The following EPS8 variants were observed in gnomAD, a reference collection of about 807,000 sequenced individuals.
EPS8 encodes the protein epidermal growth factor receptor kinase substrate 8.
Under a neutral mutation model 103.8 loss-of-function variants are expected in EPS8, and 42 were observed. That is an observed-to-expected ratio of 0.40 (90% CI 0.32 to 0.52). EPS8 has a LOEUF of 0.52. Ranked by LOEUF, EPS8 falls within the 20% of genes least tolerant of loss-of-function variation. The pLI, the probability that EPS8 is intolerant of heterozygous loss-of-function variation, is 0.40. For synonymous variants in EPS8, 344 were observed against 344.6 expected, an observed-to-expected ratio of 1.00 and a Z score of 0.02; for missense variants, 969 against 1,005.1, an observed-to-expected ratio of 0.96 and a Z score of 0.49.
At chr12:15,758,722 T>C (rs1282611355) in intron 1 of EPS8, among the ~76,000 whole-genome samples, 2 of 152,366 alleles carry the variant, frequency 1.3e-5, no homozygotes, top group East Asian at 3.9e-4. Flanking sequence ...AAATAGACTG[T>C]ATAGCTGATA....
chr12:15,729,177 C>T (rs1946686066), intron 1 of EPS8, among the ~76,000 whole-genome samples: 1 of 152,100 alleles, frequency 6.6e-6, no homozygotes, highest in Non-Finnish European at 1.5e-5. Context: ...AAAATCTTCC[C>T]ATTGTCTTTG....
intron 1 of EPS8, among the ~76,000 whole-genome samples, chr12:15,708,931 A>G (rs1427416108): frequency 6.6e-6 from 1 of 152,190 alleles, no homozygotes; most frequent in Non-Finnish European, 1.5e-5. Flanking sequence ...ATGATTTAAA[A>G]CATTTCTTAG....
At chr12:15,754,825 G>C (rs1249418333) in intron 1 of EPS8, among the ~76,000 whole-genome samples, 3 of 152,194 alleles carry the variant, frequency 2.0e-5, no homozygotes, top group African/African-American at 7.2e-5. Flanking sequence ...ACAGGAATGT[G>C]GACTGGCTGA....
intron 1 of EPS8, among the ~76,000 whole-genome samples, chr12:15,686,536 A>C (rs1946098265): frequency 6.6e-6 from 1 of 152,182 alleles, no homozygotes; most frequent in Non-Finnish European, 1.5e-5. Context: ...TGGCAATTAG[A>C]AGGATACAAA....
chr12:15,655,758 C>T (rs558694924), intron 12 of EPS8, among the ~76,000 whole-genome samples: 11 of 152,290 alleles, frequency 7.2e-5, no homozygotes, highest in Non-Finnish European at 1.5e-4. Flanking sequence ...CTCTCAAGAA[C>T]GTGCGCAGGC....
chr12:15,660,764 A>T, intron 9 of EPS8, 24 bp from the exon 10 acceptor site: 4 of 1,393,450 alleles, frequency 2.9e-6, no homozygotes, highest in Non-Finnish European at 4.0e-6. Context: ...TTATAGAATA[A>T]AATATAAAAC....
intron 1 of EPS8, among the ~76,000 whole-genome samples, chr12:15,722,724 G>C (rs998799313): frequency 1.3e-5 from 2 of 152,172 alleles, no homozygotes; most frequent in Non-Finnish European, 2.9e-5. Flanking sequence ...CTTGCTCTCT[G>C]CTTCAAAGAT....
chr12:15,666,703 A>G (rs1488899694), intron 6 of EPS8, among the ~76,000 whole-genome samples, 181 bp from the exon 7 acceptor site: 1 of 152,238 alleles, frequency 6.6e-6, no homozygotes, highest in Non-Finnish European at 1.5e-5. Context: ...GAACTATATA[A>G]TGATAAGATT....
chr12:15,729,301 A>T (rs888813317), intron 1 of EPS8, among the ~76,000 whole-genome samples: 4 of 152,124 alleles, frequency 2.6e-5, no homozygotes, highest in African/African-American at 9.7e-5. Context: ...GATGTCTGTC[A>T]TTAATTTTGG....
intron 2 of EPS8, among the ~76,000 whole-genome samples, chr12:15,681,728 CAAAAAAAAAA>C (rs71042267): frequency 5.1e-5 from 2 of 39,226 alleles, no homozygotes; most frequent in African/African-American, 9.5e-5. Context: ...GACTCTGTCT[CAAAAAAAAAA>C]AAAAAAAAAA....
In EPS8 at chr12:15,621,362, A is replaced by G; in HGVS notation, c.2424T>C (p.Ala808=). The G allele has an allele frequency of 1.9e-6, 3 of 1,601,408 alleles. No homozygotes were observed. Among genetic ancestry groups the G allele is most frequent in the Non-Finnish European group, 2.6e-6 (3 of 1,175,274 alleles). ...RRRQEKISAA[A]SDSGVESFDE... The stretch of plus-strand genomic sequence containing the variant: ...CAAAAGATTCCACTCCTGAATCACT[A>G]GCGGCAGCACTGATTTTTTCCTGTC... Residue 808 remains alanine, a synonymous_variant, in exon 21 of 21, where the codon GCT becomes GCC. Coordinates refer to ENST00000281172, the MANE Select transcript of EPS8 (RefSeq NM_004447.6).
chr12:15,621,333 T>C lies in EPS8; in HGVS notation c.2453A>G (p.Glu818Gly). The change falls in exon 21 of 21, where the codon GAA (glutamate) becomes GGA (glycine). Residue 818 changes from glutamate to glycine, a missense_variant. By Grantham distance (98) the Glu-to-Gly change is moderately conservative. Transcript: ENST00000281172. ...ASDSGVESFD[E>G]GSSH ...ACAAACAAATTAGTGACTGCTTCCT[T>C]CATCAAAAGATTCCACTCCTGAATC... 1 of 1,576,814 alleles carries C rather than the reference T, an allele frequency of 6.3e-7. No individual in the cohort carries two copies. The highest frequency in any genetic ancestry group is 1.2e-5 in the South Asian group (1 of 85,258).
chr12:15,670,732 A>C (rs1006789182), intron 4 of EPS8, 124 bp downstream of exon 4: 2 of 601,982 alleles, frequency 3.3e-6, no homozygotes, highest in Non-Finnish European at 5.7e-6. Flanking sequence ...AAATCTAAAC[A>C]AAAAGGTCAA....
rs998796847 is a variant in EPS8 at position 15,759,021 on chromosome 12, T to A, written c.-22+30140A>T. Among the ~76,000 whole-genome samples the A allele has an allele frequency of 6.6e-6, 1 of 151,892 alleles. No homozygotes were observed. The highest frequency in any genetic ancestry group is 1.9e-4 in the East Asian group (1 of 5,196). On this transcript the variant is annotated intron_variant, in intron 1 of 20. Transcript: ENST00000281172. The surrounding 1 kb of genome is among the most constrained non-coding windows in gnomAD (Gnocchi z 4.9). ...CTGGATTCTGGATTCTTCTACAGATTTTTTTTTAAAATTTTTTAATTAAAA... is the reference window on the plus strand; with the variant it reads ...CTGGATTCTGGATTCTTCTACAGATATTTTTTTAAAATTTTTTAATTAAAA...
At chr12:15,628,060 T>C (rs60853344) in intron 18 of EPS8, among the ~76,000 whole-genome samples, 2,296 of 150,492 alleles carry the variant, frequency 0.015, 56 homozygotes, top group African/African-American at 0.053. Context: ...TAGGAAATCT[T>C]TTGAAGTAAT....
Position 15,738,701 on chromosome 12 carries a change from C to T in EPS8, c.-22+50460G>A, listed in dbSNP as rs1296223837. Among the ~76,000 whole-genome samples, 7 of 151,868 alleles carry T rather than the reference C, an allele frequency of 4.6e-5. No individual in the cohort carries two copies. The highest frequency in any genetic ancestry group is 3.9e-4 in the Admixed American group (6 of 15,264). On this transcript the variant is annotated intron_variant, in intron 1 of 20. Transcript: ENST00000281172. The surrounding 1 kb of genome is among the most constrained non-coding windows in gnomAD (Gnocchi z 6.2). Reference sequence around the variant, plus strand: ...CAGTCATTTGTTTGCATATTTGTCTCATAGTTGGAATATAAACTACAAAAG... The same window carrying T: ...CAGTCATTTGTTTGCATATTTGTCTTATAGTTGGAATATAAACTACAAAAG...
At chr12:15,679,061 A>AT (rs765958423) in intron 3 of EPS8, among the ~76,000 whole-genome samples, 2 of 151,978 alleles carry the variant, frequency 1.3e-5, no homozygotes, top group Non-Finnish European at 2.9e-5. Context: ...CTGAAATTAG[A>AT]TTTTAGATCT....
chr12:15,744,703 C>T (rs1456642664), intron 1 of EPS8, among the ~76,000 whole-genome samples: 1 of 152,104 alleles, frequency 6.6e-6, no homozygotes, highest in African/African-American at 2.4e-5. Flanking sequence ...AGGCTGGTTT[C>T]AAACTTAAGT....
At position 15,738,523 on chromosome 12, in the gene EPS8, G is replaced by T. The variant is rs866359854; in HGVS notation, c.-22+50638C>A. Among the ~76,000 whole-genome samples the T allele has an allele frequency of 2.2e-4, 33 of 152,052 alleles. No homozygotes were observed. The highest frequency in any genetic ancestry group is 1.0e-4 in the Non-Finnish European group (7 of 68,008). On this transcript the variant is annotated intron_variant, in intron 1 of 20. Coordinates refer to ENST00000281172, the MANE Select transcript of EPS8 (RefSeq NM_004447.6). This position sits in a 1 kb window ranked among gnomAD's most constrained non-coding sequence, Gnocchi z 6.2. ...AAAATAATTCATTGAACTTACTGAA[G>T]GTCCTTCTATAATAAGAACATTCTT...
Sources: allele counts gnomAD v4.1 joint callset (sites outside exome capture counted in the v4.1 genomes callset), GRCh38; gene constraint gnomAD v4.1.1; non-coding constraint Gnocchi (gnomAD v3.1); transcripts MANE v1.5; gene names NCBI Gene and HGNC (gene_info 2026-07-23, HGNC 2026-07-21).